Variants in EIF5 observed in about 807,000 individuals in gnomAD.
EIF5 encodes eukaryotic translation initiation factor 5.
A neutral mutation model predicts 48.3 loss-of-function variants in EIF5; 10 were observed. That is an observed-to-expected ratio of 0.21 (90% CI 0.13 to 0.35). The LOEUF is 0.35. Among genes scored for constraint, EIF5 ranks in the 10% least tolerant of loss-of-function variants. EIF5 has a pLI of 1.00. For missense variants in EIF5, 397 were observed against 533.2 expected (o/e 0.74, Z 2.51); for synonymous variants, 237 against 173.1 (o/e 1.37, Z -2.90).
intron 11 of EIF5, 130 bp downstream of exon 11, chr14:103,340,691 A>C (rs2089343020): frequency 1.6e-6 from 2 of 1,229,824 alleles, no homozygotes; most frequent in East Asian, 4.8e-5. Flanking sequence ...ATGCAGTAAA[A>C]TACAGCCTCT....
chr14:103,334,341 T>G (rs914969354), intron 1 of EIF5, 48 bp from the exon 2 acceptor site: 1 of 152,038 alleles, frequency 6.6e-6, no homozygotes, highest in Non-Finnish European at 1.5e-5. Context: ...GCGGGGAAGG[T>G]GCACTCCCCG....
In EIF5 at chr14:103,343,656, C is replaced by T. The variant is rs1449873262; in HGVS notation, c.*2604C>T. ...GCTGTTTGTTCCAGTGTACCAAGCA[C>T]TGACTTTATGCCTTTGGCCTGGAGA... On this transcript the variant is annotated 3_prime_UTR_variant, in exon 12 of 12. Transcript: ENST00000216554. The T allele has an allele frequency of 6.6e-6, 1 of 152,176 alleles. No homozygotes were observed. The highest frequency in any genetic ancestry group is 1.9e-4 in the East Asian group (1 of 5,198). The allele number at this position is 152,176 out of a possible 1,614,324, so 9.4% of individuals were successfully genotyped here.
At chr14:103,337,257 C>G (rs1049324463) in intron 6 of EIF5, 30 bp downstream of exon 6, 2 of 1,551,740 alleles carry the variant, frequency 1.3e-6, no homozygotes, top group African/African-American at 1.4e-5. Flanking sequence ...CTCCTAAGAT[C>G]CTAAGATAAG....
chr14:103,344,723 C>T lies in EIF5; in HGVS notation c.*3671C>T, dbSNP rs1429754619. On this transcript the variant is annotated 3_prime_UTR_variant, in exon 12 of 12. Transcript: ENST00000216554. ...GTTAACTAAAAAATAAAAATCAAGT[C>T]TTTAGGAGAGTAGAAAACACAATTA... 6.6e-6 allele frequency: 1 copy of T among 152,046 alleles called. No individual in the cohort carries two copies. The highest frequency in any genetic ancestry group is 1.5e-5 in the Non-Finnish European group (1 of 67,960). 9.4% of individuals were successfully genotyped at this position (152,046 alleles called of 1,614,324 possible).
Position 103,338,049 on chromosome 14 carries a change from C to T in EIF5, c.440-278C>T, listed in dbSNP as rs2089309686. On this transcript the variant is annotated intron_variant, in intron 6 of 11. Coordinates refer to ENST00000216554, the MANE Select transcript of EIF5 (RefSeq NM_001969.5). ...GGGATGACAGGGATCCTTAGGGCCA[C>T]CTCTCCCTAGTGGAGGCATCATCAC... The T allele has an allele frequency of 5.1e-6, 3 of 583,228 alleles. No individual in the cohort carries two copies. In the Admixed American group the frequency reaches 6.6e-5, roughly 13 times the overall value. 36.1% of individuals were successfully genotyped at this position (583,228 alleles called of 1,614,324 possible). A position where few individuals can be genotyped will look rare whatever the true frequency, so the allele number is the denominator to read the frequency against.
At chr14:103,334,703 C>T (rs1270607988) in intron 2 of EIF5, 106 bp downstream of exon 2, 1 of 138,606 alleles carries the variant, frequency 7.2e-6, no homozygotes, top group Non-Finnish European at 1.6e-5. Flanking sequence ...GGACGGCGGG[C>T]GGGCGCGGGC....
intron 9 of EIF5, 127 bp downstream of exon 9, chr14:103,339,460 C>CT (rs1454224665): frequency 2.5e-5 from 36 of 1,419,458 alleles, no homozygotes; most frequent in Middle Eastern, 4.1e-4. Flanking sequence ...TTACAAGCCT[C>CT]TGAGTATCTG....
rs2089397782 is a variant in EIF5, at chr14:103,344,981, CAG to C, written c.*3931_*3932del. On this transcript the variant is annotated 3_prime_UTR_variant, in exon 12 of 12. Transcript: ENST00000216554. ...ACCAAAAATGTAGCTCTTTGAATCT[CAG>C]AAAAAAGTAGATTTTAATAAAGTGT... The C allele has an allele frequency of 6.6e-6, 1 of 151,492 alleles. No homozygotes were observed. Among genetic ancestry groups the C allele is most frequent in the African/African-American group, 2.4e-5 (1 of 40,844 alleles). 9.4% of individuals were successfully genotyped at this position (151,492 alleles called of 1,614,324 possible).
Position 103,344,836 on chromosome 14 carries a change from T to A in EIF5, c.*3784T>A, listed in dbSNP as rs1458311554. On this transcript the variant is annotated 3_prime_UTR_variant, in exon 12 of 12. Transcript: ENST00000216554. ...AAGTAAATGGAATAAATGTATCAGG[T>A]AAAGGACAAGTTGTAAGCTTGGATT... 1.3e-5 allele frequency: 2 copies of A among 152,202 alleles called. No homozygotes were observed. The highest frequency in any genetic ancestry group is 2.1e-4 in the South Asian group (1 of 4,832). The allele number at this position is 152,202 out of a possible 1,614,324, so 9.4% of individuals were successfully genotyped here.
rs946933672 is a variant in EIF5 at position 103,340,361 on chromosome 14, G to A, written c.1072-66G>A. ...CCAGTCCCCTCAGCTCAGTAAGGGG[G>A]ATTGTATAAATAATCAAAAGTTGTT... On this transcript the variant is annotated intron_variant, in intron 10 of 11. Coordinates refer to ENST00000216554, the MANE Select transcript of EIF5 (RefSeq NM_001969.5). The A allele has an allele frequency of 3.9e-6, 6 of 1,552,950 alleles. No homozygotes were observed. The African/African-American group carries it at 8.2e-5, about 21-fold the overall frequency.
At chr14:103,338,989 A>T in intron 8 of EIF5, 96 bp downstream of exon 8, 1 of 1,508,714 alleles carries the variant, frequency 6.6e-7, no homozygotes, top group Non-Finnish European at 8.9e-7. Flanking sequence ...GGATTACTCT[A>T]ATGCACGACT....
chr14:103,338,419 A>ACACCAC lies in EIF5; in HGVS notation c.550_555dup (p.Pro184_Pro185dup), dbSNP rs548001106. On this transcript the variant is annotated inframe_insertion, in exon 7 of 12. Transcript: ENST00000216554. ...AAATGGCTCCGTATCCAGCAGTGAG[A>ACACCAC]CACCACCACCACCACCACCACCAAA... 150 of 1,600,440 alleles carry ACACCAC rather than the reference A, an allele frequency of 9.4e-5. No homozygotes were observed. The highest frequency in any genetic ancestry group is 1.3e-4 in the African/African-American group (10 of 74,128).
At chr14:103,337,024 T>C in intron 5 of EIF5, 92 bp from the exon 6 acceptor site, 1 of 1,370,512 alleles carries the variant, frequency 7.3e-7, no homozygotes, top group Non-Finnish European at 9.9e-7. Context: ...AAAAAAGTTT[T>C]CTTTGCATGT....
intron 2 of EIF5, 146 bp from the exon 3 acceptor site, chr14:103,335,507 G>T: frequency 3.2e-6 from 1 of 316,274 alleles, no homozygotes; most frequent in South Asian, 3.6e-5. Context: ...TGTTACATGA[G>T]AATGGCTGTT....
chr14:103,334,364 T>G (rs2089255909), intron 1 of EIF5, 25 bp from the exon 2 acceptor site: 1 of 151,998 alleles, frequency 6.6e-6, no homozygotes, highest in Non-Finnish European at 1.5e-5. Flanking sequence ...CGCCCACGGC[T>G]CACGGCGCCG....
chr14:103,337,212 C>G lies in EIF5; in HGVS notation c.424C>G (p.Leu142Val), dbSNP rs781100437. ...ACATCATAAACTCTGCACATTCATT[C>G]TCAAAAACCCACCTGGTGAGTCTTC... ...DTHHKLCTFI[L>V]KNPPENSDSG... Residue 142 changes from leucine to valine, a missense_variant, in exon 6 of 12, where the codon CTC becomes GTC. Coordinates refer to ENST00000216554, the MANE Select transcript of EIF5 (RefSeq NM_001969.5). The G allele has an allele frequency of 6.2e-7, 1 of 1,611,890 alleles. No homozygotes were observed.
chr14:103,340,656 G>C, intron 11 of EIF5, 95 bp downstream of exon 11: 1 of 1,469,368 alleles, frequency 6.8e-7, no homozygotes, highest in South Asian at 1.4e-5. Context: ...GGCAGTTTGG[G>C]GTAATTTCAG....
rs2089370354 is a variant in EIF5, at chr14:103,342,894, A to C, written c.*1842A>C. ...ATACTGGTGACCTAAGCTAAGTTGCACTCAGCATACTCAGTGTCAAGCTAA... is the reference window on the plus strand; with the variant it reads ...ATACTGGTGACCTAAGCTAAGTTGCCCTCAGCATACTCAGTGTCAAGCTAA... On this transcript the variant is annotated 3_prime_UTR_variant, in exon 12 of 12. Coordinates refer to ENST00000216554, the MANE Select transcript of EIF5 (RefSeq NM_001969.5). 1.3e-5 allele frequency: 2 copies of C among 152,604 alleles called. No homozygotes were observed. Among genetic ancestry groups the C allele is most frequent in the South Asian group, 4.1e-4 (2 of 4,836 alleles). 9.5% of individuals were successfully genotyped at this position (152,604 alleles called of 1,614,324 possible). A position where few individuals can be genotyped will look rare whatever the true frequency, so the allele number is the denominator to read the frequency against.
rs753798522 is a variant in EIF5, at chr14:103,335,932, G to A, written c.72G>A (p.Lys24=). The change falls in exon 3 of 12, where the codon AAG becomes AAA. Residue 24 remains lysine (K), a splice_region_variant and synonymous_variant. Transcript: ENST00000216554. Reference sequence around the variant, plus strand: ...ACAAGATGCCCCGTCTGATTGCCAAGGTAATAAACTGCTCTTCAATTTAGT... The same window carrying A: ...ACAAGATGCCCCGTCTGATTGCCAAAGTAATAAACTGCTCTTCAATTTAGT... ...YRYKMPRLIA[K]VEGKGNGIKT... is the part of the protein sequence containing the mutation. The A allele has an allele frequency of 1.9e-6, 3 of 1,614,148 alleles. No individual in the cohort carries two copies. The highest frequency in any genetic ancestry group is 1.1e-5 in the South Asian group (1 of 91,080).
Sources: allele counts gnomAD v4.1 joint callset, GRCh38; gene constraint gnomAD v4.1.1; transcripts MANE v1.5; gene names NCBI Gene and HGNC (gene_info 2026-07-23, HGNC 2026-07-21).